Variants in ATXN1 observed in about 807,000 individuals in gnomAD.
The protein encoded by ATXN1 is ataxin 1, also known as ataxin-1.
ATXN1 carries 8 observed loss-of-function variants against 56.4 expected under a neutral mutation model. That is an observed-to-expected ratio of 0.14 (90% CI 0.08 to 0.26). The LOEUF is 0.26. ATXN1 is among the 10% of genes least tolerant of loss of function. ATXN1 has a pLI of 1.00. For synonymous variants in ATXN1, 514 were observed against 494.6 expected (o/e 1.04, Z -0.52); for missense variants, 987 against 1,106.5 (o/e 0.89, Z 1.53).
rs766954446 is a variant in ATXN1, at chr6:16,410,709, G to A, written c.-161+75263C>T. Among the ~76,000 whole-genome samples the A allele has an allele frequency of 4.9e-4, 75 of 152,322 alleles. No homozygotes were observed. Among genetic ancestry groups the A allele is most frequent in the Admixed American group, 1.0e-3 (16 of 15,296 alleles). ...TGAGCCTCCAATGAACTACAAGCTT[G>A]TCAGAATTACATCTATTCAGGTCAT... On this transcript the variant is annotated intron_variant, in intron 6 of 7. Coordinates refer to ENST00000436367, the MANE Select transcript of ATXN1 (RefSeq NM_001128164.2). This position sits in a 1 kb window ranked among gnomAD's most constrained non-coding sequence, Gnocchi z 4.6.
chr6:16,469,600 A>G (rs1760176118), intron 6 of ATXN1, among the ~76,000 whole-genome samples: 1 of 152,244 alleles, frequency 6.6e-6, no homozygotes, highest in Admixed American at 6.5e-5. Flanking sequence ...CAGTTCTATC[A>G]TGAAAAAAGG....
chr6:16,572,691 C>T (rs1581853317), intron 4 of ATXN1, among the ~76,000 whole-genome samples: 1 of 152,170 alleles, frequency 6.6e-6, no homozygotes, highest in East Asian at 1.9e-4. Flanking sequence ...CACAGCAAAG[C>T]CAGCCAGAGC....
At chr6:16,335,370 G>C (rs1288811964) in intron 6 of ATXN1, among the ~76,000 whole-genome samples, 1 of 152,226 alleles carries the variant, frequency 6.6e-6, no homozygotes, top group Non-Finnish European at 1.5e-5. Context: ...CAACTTTGTA[G>C]AAGATGCTGT....
intron 2 of ATXN1, chr6:16,737,530 G>A (rs1322683405): frequency 6.6e-6 from 1 of 152,218 alleles, no homozygotes; most frequent in Non-Finnish European, 1.5e-5. Flanking sequence ...GCAAGAAATA[G>A]AGAGGAAGAA....
chr6:16,442,104 T>C (rs1759529337), intron 6 of ATXN1, among the ~76,000 whole-genome samples: 1 of 152,114 alleles, frequency 6.6e-6, no homozygotes, highest in Admixed American at 6.5e-5. Context: ...CTGAGTTACC[T>C]ATAAGGGACA....
chr6:16,397,302 G>A (rs151142048), intron 6 of ATXN1, among the ~76,000 whole-genome samples: 2 of 151,850 alleles, frequency 1.3e-5, no homozygotes, highest in South Asian at 2.1e-4. Flanking sequence ...ATGAAGTCTC[G>A]TTCTGTCATC....
At chr6:16,519,354 C>A (rs1198313355) in intron 5 of ATXN1, among the ~76,000 whole-genome samples, 1 of 152,202 alleles carries the variant, frequency 6.6e-6, no homozygotes, top group Non-Finnish European at 1.5e-5. Context: ...TCTTACAATT[C>A]TTTCATCAAG....
intron 6 of ATXN1, among the ~76,000 whole-genome samples, chr6:16,368,343 C>CTTTTTTTTTTTTT (rs10527935): frequency 5.3e-5 from 4 of 75,872 alleles, no homozygotes; most frequent in Non-Finnish European, 1.1e-4. Flanking sequence ...ACTTCTTCTT[C>CTTTTTTTTTTTTT]TTTTTTTTTT....
intron 4 of ATXN1, among the ~76,000 whole-genome samples, chr6:16,544,529 T>C (rs754005099): frequency 1.3e-5 from 2 of 152,174 alleles, no homozygotes; most frequent in African/African-American, 2.4e-5. Context: ...GGGTGTGTAT[T>C]CAATTCTCTG....
chr6:16,377,828 G>A (rs796467935), intron 6 of ATXN1, among the ~76,000 whole-genome samples: 6 of 152,314 alleles, frequency 3.9e-5, no homozygotes, highest in African/African-American at 1.4e-4. Context: ...AAACTATGGC[G>A]GCATAGCATA....
intron 3 of ATXN1, among the ~76,000 whole-genome samples, chr6:16,643,337 A>G (rs1315223203): frequency 6.6e-6 from 1 of 152,054 alleles, no homozygotes; most frequent in African/African-American, 2.4e-5. Context: ...CACTACAGAA[A>G]TGTAAGCCTG....
chr6:16,616,498 C>A (rs552366120), intron 3 of ATXN1, among the ~76,000 whole-genome samples: 6 of 147,724 alleles, frequency 4.1e-5, no homozygotes, highest in African/African-American at 7.6e-5. Context: ...TGAGATCATG[C>A]CACTGCACTC....
intron 4 of ATXN1, among the ~76,000 whole-genome samples, chr6:16,556,921 A>C (rs1561753617): frequency 6.6e-6 from 1 of 152,214 alleles, no homozygotes; most frequent in Non-Finnish European, 1.5e-5. Context: ...AATATACAAA[A>C]ATCAATAACC....
intron 2 of ATXN1, among the ~76,000 whole-genome samples, chr6:16,658,387 TAA>T (rs1213274440): frequency 1.3e-5 from 2 of 152,186 alleles, no homozygotes; most frequent in African/African-American, 4.8e-5. Flanking sequence ...AGATAAAGCA[TAA>T]GAGAGAGAAC....
At chr6:16,536,887 T>C (rs9477154) in intron 4 of ATXN1, among the ~76,000 whole-genome samples, 5,084 of 152,308 alleles carry the variant, frequency 0.033, 282 homozygotes, top group African/African-American at 0.11. Flanking sequence ...CTGGTACTTA[T>C]CATGGTCAAA....
intron 4 of ATXN1, among the ~76,000 whole-genome samples, chr6:16,543,391 C>T (rs1761751762): frequency 6.6e-6 from 1 of 151,962 alleles, no homozygotes; most frequent in Non-Finnish European, 1.5e-5. Flanking sequence ...AGTCTTTTCC[C>T]CCTCTGTGTG....
chr6:16,399,800 A>G (rs1042027971), intron 6 of ATXN1, among the ~76,000 whole-genome samples: 2 of 152,132 alleles, frequency 1.3e-5, no homozygotes, highest in Admixed American at 1.3e-4. Flanking sequence ...CTGCTTCCCC[A>G]AATAGGATGA....
chr6:16,395,854 A>C (rs1268768544), intron 6 of ATXN1, among the ~76,000 whole-genome samples: 1 of 151,886 alleles, frequency 6.6e-6, no homozygotes, highest in Non-Finnish European at 1.5e-5. Context: ...ATCTCTACTA[A>C]AAATACAAAA....
chr6:16,595,774 T>C (rs1762803310), intron 3 of ATXN1, among the ~76,000 whole-genome samples: 1 of 151,424 alleles, frequency 6.6e-6, no homozygotes, highest in African/African-American at 2.5e-5. Context: ...ACATATGCTA[T>C]TAATGCCTGT....
Sources: gnomAD v4.1 joint callset for allele counts (sites outside exome capture counted in the v4.1 genomes callset) on GRCh38, gnomAD v4.1.1 for gene constraint, Gnocchi (gnomAD v3.1) non-coding constraint, MANE v1.5 for transcripts, NCBI Gene and HGNC (gene_info 2026-07-23, HGNC 2026-07-21) for gene names.